The following MICALL1 variants were observed in gnomAD, a reference collection of about 807,000 sequenced individuals.
MICALL1 encodes MICAL-like protein 1.
Under a neutral mutation model 83.7 loss-of-function variants are expected in MICALL1, and 61 were observed. The ratio of observed to expected loss-of-function variants is 0.73; its 90% CI spans 0.59 to 0.90. The LOEUF (loss-of-function observed/expected upper bound fraction) is 0.90. Ranked by LOEUF, MICALL1 falls within the 40% of genes least tolerant of loss-of-function variation. The pLI, the probability that MICALL1 is intolerant of heterozygous loss-of-function variation, is 0.00. For missense variants in MICALL1, 1,066 were observed against 1,152.0 expected, an observed-to-expected ratio of 0.93 and a Z score of 1.08; for synonymous variants, 481 against 473.6, an observed-to-expected ratio of 1.02 and a Z score of -0.20.
intron 1 of MICALL1, 59 bp from the exon 2 acceptor site, chr22:37,911,893 G>A (rs931816058): frequency 1.0e-5 from 16 of 1,545,900 alleles, no homozygotes; most frequent in Middle Eastern, 1.7e-4. Context: ...CTCTGACCCC[G>A]CCCCTATTTC....
At chr22:37,934,793 T>C (rs1930002893) in intron 13 of MICALL1, among the ~76,000 whole-genome samples, 1 of 150,722 alleles carries the variant, frequency 6.6e-6, no homozygotes, top group South Asian at 2.1e-4. Flanking sequence ...AGACCAGGTT[T>C]CACCATGTTA....
In MICALL1 at chr22:37,925,676, G is replaced by A. The variant is rs1360406805; in HGVS notation, c.1098G>A (p.Arg366=). ...CCTCCTCCAGGACACCAGCCCCCAG[G>A]AAGGACCCCCCATGGATCACGCTGG... The part of the protein sequence containing the change: ...PKPSEGTPAP[R]KDPPWITLVQ... Residue 366 remains arginine, a synonymous_variant, in exon 8 of 16, where the codon AGG becomes AGA. Transcript: ENST00000215957. 1.2e-6 allele frequency: 2 copies of A among 1,603,102 alleles called. No homozygotes were observed. Among genetic ancestry groups the A allele is most frequent in the Admixed American group, 1.7e-5 (1 of 59,270 alleles).
In MICALL1 at chr22:37,912,348, C is replaced by T; in HGVS notation, c.196-3C>T. ...CCCGCCCTTGTACCTGTCACCACCC[C>T]AGGCCTTTGAAGTGGCTGAGAAGGA... On this transcript the variant is annotated splice_region_variant and splice_polypyrimidine_tract_variant and intron_variant, in intron 2 of 15. Coordinates refer to ENST00000215957, the MANE Select transcript of MICALL1 (RefSeq NM_033386.4). The T allele has an allele frequency of 6.2e-7, 1 of 1,608,116 alleles. No homozygotes were observed. Among genetic ancestry groups the T allele is most frequent in the Non-Finnish European group, 8.5e-7 (1 of 1,175,954 alleles).
intron 13 of MICALL1, among the ~76,000 whole-genome samples, chr22:37,935,688 G>C (rs1002216447): frequency 6.6e-6 from 1 of 151,570 alleles, no homozygotes; most frequent in African/African-American, 2.4e-5. Context: ...CAGTAGCTGG[G>C]ATTACAGGCG....
At chr22:37,911,295 T>G (rs182431972) in intron 1 of MICALL1, among the ~76,000 whole-genome samples, 1 of 152,330 alleles carries the variant, frequency 6.6e-6, no homozygotes, top group East Asian at 1.9e-4. Context: ...TGGTTCAAAC[T>G]TGTTCTTCTA....
chr22:37,913,659 C>T (rs907497114), intron 3 of MICALL1, among the ~76,000 whole-genome samples: 4 of 152,174 alleles, frequency 2.6e-5, no homozygotes, highest in Non-Finnish European at 5.9e-5. Flanking sequence ...ACCTCCCTTG[C>T]AGGTAGCTGG....
chr22:37,919,551 G>A (rs1325260675), intron 5 of MICALL1, among the ~76,000 whole-genome samples: 3 of 143,680 alleles, frequency 2.1e-5, no homozygotes, highest in African/African-American at 2.6e-5. Context: ...CAGGAGAATC[G>A]CTCAAACCCG....
rs766097111 is a variant in MICALL1, at chr22:37,932,795, C to T, written c.2144-3C>T. ...CTGGCCTCAGTGGGTATCTGGCTTC[C>T]AGAGGGCCGTGAGGATGACATGCTG... On this transcript the variant is annotated splice_region_variant and splice_polypyrimidine_tract_variant and intron_variant, in intron 11 of 15. Coordinates refer to ENST00000215957, the MANE Select transcript of MICALL1 (RefSeq NM_033386.4). This position sits in a 1 kb window ranked among gnomAD's most constrained non-coding sequence, Gnocchi z 4.4. 2.5e-6 allele frequency: 4 copies of T among 1,614,050 alleles called. No homozygotes were observed. The highest frequency in any genetic ancestry group is 8.5e-7 in the Non-Finnish European group (1 of 1,180,004).
chr22:37,922,794 T>TG (rs1225396937), intron 6 of MICALL1, among the ~76,000 whole-genome samples: 56 of 136,240 alleles, frequency 4.1e-4, no homozygotes, highest in African/African-American at 1.7e-3. Context: ...TTGTTTTTTT[T>TG]TGTTTTTTTT....
At chr22:37,907,455 G>C (rs1178459666) in intron 1 of MICALL1, 1 of 152,314 alleles carries the variant, frequency 6.6e-6, no homozygotes, top group Non-Finnish European at 1.5e-5. Flanking sequence ...TCCTCCTTTC[G>C]TCCCTTCATT....
chr22:37,940,912 C>T lies in MICALL1; in HGVS notation c.*82C>T. On this transcript the variant is annotated 3_prime_UTR_variant, in exon 16 of 16. Coordinates refer to ENST00000215957, the MANE Select transcript of MICALL1 (RefSeq NM_033386.4). ...TCTGTTTGAAGGGGGCGCCCTGCTCCCCTCAGATCAGTCAGGAGGAAGATG... is the reference window on the plus strand; with the variant it reads ...TCTGTTTGAAGGGGGCGCCCTGCTCTCCTCAGATCAGTCAGGAGGAAGATG... 1 of 1,562,892 alleles carries T rather than the reference C, an allele frequency of 6.4e-7. No individual in the cohort carries two copies. Among genetic ancestry groups the T allele is most frequent in the South Asian group, 1.2e-5 (1 of 86,428 alleles).
intron 15 of MICALL1, 68 bp from the exon 16 acceptor site, chr22:37,940,641 G>A (rs1482356856): frequency 1.3e-6 from 2 of 1,583,584 alleles, no homozygotes; most frequent in Non-Finnish European, 1.7e-6. Flanking sequence ...CTGTGTCACT[G>A]GGTCTAGCCT....
intron 15 of MICALL1, among the ~76,000 whole-genome samples, chr22:37,940,378 G>A (rs754670686): frequency 2.6e-5 from 4 of 151,874 alleles, no homozygotes; most frequent in Non-Finnish European, 5.9e-5. Flanking sequence ...GGCCAAGATC[G>A]CGTCATTGCA....
chr22:37,919,622 C>T (rs190513583), intron 5 of MICALL1, among the ~76,000 whole-genome samples: 6 of 114,788 alleles, frequency 5.2e-5, no homozygotes, highest in African/African-American at 1.1e-4. Flanking sequence ...GGTGACAGAG[C>T]GAGACTCTGT....
chr22:37,931,498 T>G (rs1295825174), intron 9 of MICALL1, among the ~76,000 whole-genome samples: 9 of 152,148 alleles, frequency 5.9e-5, no homozygotes, highest in Non-Finnish European at 1.2e-4. Flanking sequence ...GAGGCTGCAG[T>G]GCAGCCATGG....
chr22:37,918,444 T>C (rs1172746473), intron 4 of MICALL1, among the ~76,000 whole-genome samples: 2 of 152,164 alleles, frequency 1.3e-5, no homozygotes, highest in Non-Finnish European at 2.9e-5. Context: ...TGGAGGGAGC[T>C]AGCCCCAGGG....
chr22:37,926,678 C>G (rs188273249), intron 8 of MICALL1: 6 of 153,012 alleles, frequency 3.9e-5, no homozygotes, highest in African/African-American at 1.4e-4. Flanking sequence ...TAACCTTCAC[C>G]ATGGCTGGGT....
In MICALL1 at chr22:37,922,219, A is replaced by G; in HGVS notation, c.817A>G (p.Ser273Gly). 2 of 1,610,442 alleles carry G rather than the reference A, an allele frequency of 1.2e-6. No homozygotes were observed. Among genetic ancestry groups the G allele is most frequent in the Non-Finnish European group, 1.7e-6 (2 of 1,178,990 alleles). Residue 273 changes from serine (S) to glycine (G), a missense_variant, in exon 6 of 16, where the codon AGC becomes GGC. Physicochemically the swap from Ser to Gly is moderately conservative, Grantham distance 56. Coordinates refer to ENST00000215957, the MANE Select transcript of MICALL1 (RefSeq NM_033386.4). Reference sequence around the variant, plus strand: ...GGCTGAGGCCGATGGACCCAAGGCCAGCCCTGAGGCCCGGCCGCAGATCCC... The same window carrying G: ...GGCTGAGGCCGATGGACCCAAGGCCGGCCCTGAGGCCCGGCCGCAGATCCC... ...AGAEADGPKA[S>G]PEARPQIPTK... is the part of the protein sequence containing the mutation.
At chr22:37,913,087 T>C (rs1928444323) in intron 3 of MICALL1, among the ~76,000 whole-genome samples, 1 of 151,410 alleles carries the variant, frequency 6.6e-6, no homozygotes, top group Non-Finnish European at 1.5e-5. Context: ...CTCAGCCTCC[T>C]GAGTAGCTGG....
Sources: gnomAD v4.1 joint callset for allele counts (sites outside exome capture counted in the v4.1 genomes callset) on GRCh38, gnomAD v4.1.1 for gene constraint, Gnocchi (gnomAD v3.1) non-coding constraint, MANE v1.5 for transcripts, NCBI Gene and HGNC (gene_info 2026-07-23, HGNC 2026-07-21) for gene names.